The following UBR3 variants were observed in gnomAD, a reference collection of about 807,000 sequenced individuals.
UBR3 encodes the protein E3 ubiquitin-protein ligase UBR3.
In UBR3, 85 loss-of-function variants were observed where a neutral mutation model predicts 243.2. That is an observed-to-expected ratio of 0.35 (90% CI 0.29 to 0.42). The LOEUF is 0.42. Among genes scored for constraint, UBR3 ranks in the 10% least tolerant of loss-of-function variants. UBR3 has a pLI of 1.00. For synonymous variants in UBR3, 748 were observed against 799.8 expected (o/e 0.94, Z 1.09); for missense variants, 1,686 against 2,300.8 (o/e 0.73, Z 5.47).
intron 1 of UBR3, among the ~76,000 whole-genome samples, chr2:169,839,578 A>T (rs925545237): frequency 2.0e-5 from 3 of 152,370 alleles, no homozygotes; most frequent in African/African-American, 7.2e-5. Context: ...TATTCCAAGT[A>T]CATTGATTTG....
At chr2:169,874,996 G>GCTT (rs35937790) in intron 2 of UBR3, among the ~76,000 whole-genome samples, 71,302 of 150,828 alleles carry the variant, frequency 0.47, 18,782 homozygotes, top group Non-Finnish European at 0.61. Context: ...TGTTGTCCAA[G>GCTT]CTTTTCTTTC....
rs527309890 is a variant in UBR3, at chr2:169,873,140, T to G, written c.685+765T>G. 2.3e-3 allele frequency among the ~76,000 whole-genome samples: 357 copies of G among 152,284 alleles called. 3 individuals are homozygous for G. The highest frequency in any genetic ancestry group is 0.01 in the Middle Eastern group (3 of 294). On this transcript the variant is annotated intron_variant, in intron 2 of 38. Transcript: ENST00000272793. ...TACATTTTGCATTATTTTTAGAGGT[T>G]TAAAATTATTTAGTACTATAAATAA...
At chr2:169,923,890 A>T in intron 11 of UBR3, 39 bp from the exon 12 acceptor site, 1 of 1,488,766 alleles carries the variant, frequency 6.7e-7, no homozygotes, top group South Asian at 1.3e-5. Context: ...ATTTCTATAA[A>T]ATAGTCTTTG....
chr2:169,859,476 T>C (rs1446163457), intron 1 of UBR3, among the ~76,000 whole-genome samples: 3 of 152,150 alleles, frequency 2.0e-5, no homozygotes, highest in Non-Finnish European at 4.4e-5. Flanking sequence ...CCACTAATTC[T>C]TCAGATTTTT....
chr2:169,909,790 ATG>A (rs2085179776), intron 10 of UBR3, among the ~76,000 whole-genome samples: 1 of 152,122 alleles, frequency 6.6e-6, no homozygotes, highest in African/African-American at 2.4e-5. Context: ...CCATAAATAC[ATG>A]TGTTTATTTT....
At chr2:169,836,010 T>C (rs1177813102) in intron 1 of UBR3, among the ~76,000 whole-genome samples, 331 of 22,968 alleles carry the variant, frequency 0.014, 16 homozygotes, top group East Asian at 0.055. Flanking sequence ...TCTCTCTCTC[T>C]CTCTCTCTCT....
At chr2:169,929,002 G>A (rs1385449553) in intron 18 of UBR3, 134 bp downstream of exon 18, 1 of 763,206 alleles carries the variant, frequency 1.3e-6, no homozygotes, top group African/African-American at 1.8e-5. Context: ...TGTTATAAAT[G>A]TATGTCTTTA....
intron 26 of UBR3, among the ~76,000 whole-genome samples, chr2:169,994,726 G>A (rs1401669570): frequency 1.3e-5 from 2 of 152,142 alleles, no homozygotes; most frequent in Non-Finnish European, 2.9e-5. Flanking sequence ...CTTAAATAAC[G>A]TTGTTTCTTT....
At chr2:169,858,151 A>G (rs1017134555) in intron 1 of UBR3, among the ~76,000 whole-genome samples, 1 of 152,194 alleles carries the variant, frequency 6.6e-6, no homozygotes, top group Admixed American at 6.5e-5. Flanking sequence ...CTGGTATAGC[A>G]TCCCTCATGA....
chr2:169,836,605 C>T (rs1051849236), intron 1 of UBR3, among the ~76,000 whole-genome samples: 2 of 151,410 alleles, frequency 1.3e-5, no homozygotes, highest in South Asian at 4.2e-4. Flanking sequence ...ACCTATGTAA[C>T]CTGTACATCC....
chr2:169,847,661 C>A (rs910493224), intron 1 of UBR3, among the ~76,000 whole-genome samples: 1 of 152,118 alleles, frequency 6.6e-6, no homozygotes, highest in Non-Finnish European at 1.5e-5. Flanking sequence ...ATGTAAGTTT[C>A]TATTTTTTCT....
chr2:169,900,655 T>C (rs534326771), intron 8 of UBR3, among the ~76,000 whole-genome samples: 1 of 152,144 alleles, frequency 6.6e-6, no homozygotes, highest in Non-Finnish European at 1.5e-5. Flanking sequence ...TTTTCTTCAC[T>C]AGGTGATTTA....
At chr2:169,899,521 A>C (rs1416169378) in intron 8 of UBR3, among the ~76,000 whole-genome samples, 2 of 151,714 alleles carry the variant, frequency 1.3e-5, no homozygotes, top group East Asian at 3.9e-4. Flanking sequence ...TTTACTTTTT[A>C]ATTATACTTT....
Position 169,842,325 on chromosome 2 carries a change from A to G in UBR3, c.545+14273A>G, listed in dbSNP as rs2082325112. 3.3e-5 allele frequency among the ~76,000 whole-genome samples: 5 copies of G among 152,274 alleles called. No homozygotes were observed. In the South Asian group the frequency reaches 1.0e-3, roughly 32 times the overall value. ...CGTGGAGAACCTTTGTATCTAGCTC[A>G]GGGATTGTAAACGCACCAATCAGCG... On this transcript the variant is annotated intron_variant, in intron 1 of 38. Transcript: ENST00000272793.
At chr2:170,016,086 A>G (rs552494825) in intron 30 of UBR3, among the ~76,000 whole-genome samples, 1 of 132,322 alleles carries the variant, frequency 7.6e-6, no homozygotes, top group South Asian at 2.8e-4. Flanking sequence ...TAAAACACAT[A>G]ATATATTCTT....
chr2:169,944,753 T>A (rs1426103634), intron 20 of UBR3, among the ~76,000 whole-genome samples: 1 of 152,160 alleles, frequency 6.6e-6, no homozygotes, highest in African/African-American at 2.4e-5. Flanking sequence ...CAATTAAAGC[T>A]GTAATCCCAC....
intron 32 of UBR3, among the ~76,000 whole-genome samples, chr2:170,041,639 T>TTCAA (rs1236188078): frequency 6.6e-6 from 1 of 152,226 alleles, no homozygotes; most frequent in Non-Finnish European, 1.5e-5. Flanking sequence ...ATTTAAAATA[T>TTCAA]TCAATCAGAT....
At chr2:169,878,421 G>GT in intron 4 of UBR3, 104 bp from the exon 5 acceptor site, 2 of 1,152,584 alleles carry the variant, frequency 1.7e-6, no homozygotes, top group Non-Finnish European at 2.5e-6. Flanking sequence ...GTGTCCTAAC[G>GT]TAACAAAACT....
At chr2:170,031,227 G>A (rs756983771) in intron 31 of UBR3, among the ~76,000 whole-genome samples, 8 of 152,012 alleles carry the variant, frequency 5.3e-5, no homozygotes, top group African/African-American at 1.2e-4. Context: ...TTACCGGTGC[G>A]CACCACTGCA....
Sources: gnomAD v4.1 joint callset for allele counts (sites outside exome capture counted in the v4.1 genomes callset) on GRCh38, gnomAD v4.1.1 for gene constraint, MANE v1.5 for transcripts, NCBI Gene and HGNC (gene_info 2026-07-23, HGNC 2026-07-21) for gene names.